Variants in SRD5A2 observed in about 807,000 individuals in gnomAD.
The protein encoded by SRD5A2 is steroid 5 alpha-reductase 2, also known as 3-oxo-5-alpha-steroid 4-dehydrogenase 2.
In SRD5A2, 30 loss-of-function variants were observed where a neutral mutation model predicts 27.4. The observed-to-expected ratio is 1.10, with a 90% CI of 0.82 to 1.49. The LOEUF is 1.49. Among genes scored for constraint, SRD5A2 ranks in the 40% most tolerant of loss-of-function variants. The probability of loss-of-function intolerance (pLI) is 0.00; values close to 1 mark genes in which losing one functional copy is unlikely to be tolerated. For missense variants in SRD5A2, 348 were observed against 323.4 expected (o/e 1.08, Z -0.58); for synonymous variants, 141 against 133.6 (o/e 1.06, Z -0.38).
chr2:31,567,780 C>A (rs1369537201), intron 1 of SRD5A2, among the ~76,000 whole-genome samples: 1 of 152,142 alleles, frequency 6.6e-6, no homozygotes, highest in East Asian at 1.9e-4. Context: ...TGTCACTTCA[C>A]CAGCTGGAAA....
chr2:31,529,590 G>A, intron 3 of SRD5A2, 133 bp from the exon 4 acceptor site: 1 of 1,225,460 alleles, frequency 8.2e-7, no homozygotes, highest in South Asian at 1.7e-5. Context: ...CATAGTCATA[G>A]GAGTTTGGTG....
At chr2:31,565,163 T>A (rs971002099) in intron 1 of SRD5A2, among the ~76,000 whole-genome samples, 11 of 151,848 alleles carry the variant, frequency 7.2e-5, no homozygotes, top group Non-Finnish European at 1.3e-4. Flanking sequence ...AAATTTAAGA[T>A]ACATGCAATA....
At chr2:31,634,441 T>C in the SRD5A2 span, among the ~76,000 whole-genome samples, 1 of 152,238 alleles carries the variant, frequency 6.6e-6, no homozygotes, top group South Asian at 2.1e-4. Flanking sequence ...TGGGGGCGTA[T>C]ATCTGAAGAG....
At chr2:31,632,451 G>C in the SRD5A2 span, among the ~76,000 whole-genome samples, 2 of 152,348 alleles carry the variant, frequency 1.3e-5, no homozygotes, top group East Asian at 1.9e-4. Context: ...TGCCCCAGGG[G>C]ACGAAGGTCC....
At chr2:31,645,357 A>G in the SRD5A2 span, among the ~76,000 whole-genome samples, 395 of 152,300 alleles carry the variant, frequency 2.6e-3, 14 homozygotes, top group Admixed American at 0.025. Context: ...CCCATTCTCC[A>G]TGATGTGCTT....
intron 1 of SRD5A2, among the ~76,000 whole-genome samples, chr2:31,562,702 T>G (rs1666648636): frequency 6.6e-6 from 1 of 152,154 alleles, no homozygotes; most frequent in African/African-American, 2.4e-5. Context: ...GGGCAAGGGT[T>G]GAAAAACTAC....
chr2:31,619,321 T>G, the SRD5A2 span, among the ~76,000 whole-genome samples: 2 of 152,188 alleles, frequency 1.3e-5, no homozygotes, highest in African/African-American at 2.4e-5. Context: ...GTACCACATT[T>G]TCTTTATCCA....
At chr2:31,594,951 G>T in the SRD5A2 span, among the ~76,000 whole-genome samples, 1 of 152,086 alleles carries the variant, frequency 6.6e-6, no homozygotes, top group Admixed American at 6.6e-5. Flanking sequence ...ATCTGCTCCT[G>T]AATAATTTTT....
intron 1 of SRD5A2, among the ~76,000 whole-genome samples, chr2:31,568,484 T>A (rs760062902): frequency 1.3e-5 from 2 of 152,072 alleles, no homozygotes; most frequent in Non-Finnish European, 2.9e-5. Flanking sequence ...TCTGCCCAAG[T>A]CTGGATGAGT....
chr2:31,619,626 T>C, the SRD5A2 span, among the ~76,000 whole-genome samples: 63 of 152,250 alleles, frequency 4.1e-4, no homozygotes, highest in Middle Eastern at 6.8e-3. Context: ...TTTTTAGTAA[T>C]AGCCATTCAG....
the SRD5A2 span, among the ~76,000 whole-genome samples, chr2:31,618,580 A>G: frequency 2.6e-5 from 4 of 152,182 alleles, no homozygotes; most frequent in Non-Finnish European, 1.5e-5. Flanking sequence ...AGACACAGAA[A>G]GACATATACT....
At chr2:31,610,824 G>C in the SRD5A2 span, among the ~76,000 whole-genome samples, 2 of 152,090 alleles carry the variant, frequency 1.3e-5, no homozygotes, top group African/African-American at 4.8e-5. Context: ...AAAGTCAGTA[G>C]TTGCCATGCA....
chr2:31,555,430 G>C (rs1666475658), intron 1 of SRD5A2, among the ~76,000 whole-genome samples: 1 of 152,112 alleles, frequency 6.6e-6, no homozygotes, highest in African/African-American at 2.4e-5. Context: ...TCAGGCATGA[G>C]TATTCAACCC....
At chr2:31,611,628 T>C in the SRD5A2 span, among the ~76,000 whole-genome samples, 1 of 152,134 alleles carries the variant, frequency 6.6e-6, no homozygotes, top group Non-Finnish European at 1.5e-5. Flanking sequence ...ATTAAAAACA[T>C]AATTTCACAC....
At chr2:31,537,310 T>A (rs1572633696) in intron 1 of SRD5A2, among the ~76,000 whole-genome samples, 1 of 152,200 alleles carries the variant, frequency 6.6e-6, no homozygotes, top group East Asian at 1.9e-4. Context: ...CCTGCTTTCC[T>A]TTATAGCAAC....
At chr2:31,598,939 T>C in the SRD5A2 span, among the ~76,000 whole-genome samples, 1 of 151,850 alleles carries the variant, frequency 6.6e-6, no homozygotes. Context: ...ACTTCACCTA[T>C]ACAGACACAA....
the SRD5A2 span, among the ~76,000 whole-genome samples, chr2:31,590,226 G>A: frequency 8.1e-6 from 1 of 123,420 alleles, no homozygotes; most frequent in East Asian, 2.7e-4. Context: ...ATAAACTCTT[G>A]GGAGCTCTAT....
chr2:31,541,353 C>T (rs544993836), intron 1 of SRD5A2, among the ~76,000 whole-genome samples: 1 of 147,770 alleles, frequency 6.8e-6, no homozygotes, highest in South Asian at 2.1e-4. Context: ...CAAAAAAAAA[C>T]ACAAGGCATT....
At chr2:31,624,299 T>C in the SRD5A2 span, among the ~76,000 whole-genome samples, 2 of 152,126 alleles carry the variant, frequency 1.3e-5, no homozygotes, top group East Asian at 3.9e-4. Flanking sequence ...ACTCACCCTG[T>C]TGTGCTAGCA....
Sources: gnomAD v4.1 joint callset for allele counts (sites outside exome capture counted in the v4.1 genomes callset) on GRCh38, gnomAD v4.1.1 for gene constraint, MANE v1.5 for transcripts, NCBI Gene and HGNC (gene_info 2026-07-23, HGNC 2026-07-21) for gene names.